The following COPS2 variants were observed in gnomAD, a reference collection of about 807,000 sequenced individuals.
COPS2 encodes COP9 signalosome complex subunit 2.
In COPS2, 10 loss-of-function variants were observed where a neutral mutation model predicts 66.1. The observed-to-expected ratio is 0.15, with a 90% confidence interval of 0.09 to 0.26. The LOEUF (loss-of-function observed/expected upper bound fraction) is 0.26. Among genes scored for constraint, COPS2 ranks in the 10% least tolerant of loss-of-function variants. COPS2 has a pLI of 1.00. For missense variants in COPS2, 215 were observed against 513.3 expected (o/e 0.42, Z 5.62); for synonymous variants, 179 against 171.3 (o/e 1.04, Z -0.35).
chr15:49,153,940 T>TA (rs1203584469), intron 1 of COPS2, among the ~76,000 whole-genome samples: 7 of 152,232 alleles, frequency 4.6e-5, no homozygotes, highest in Admixed American at 2.6e-4. Flanking sequence ...AACCAACAGT[T>TA]AGATAGAAGG....
chr15:49,130,643 A>G (rs1422744143), intron 10 of COPS2, 76 bp downstream of exon 10: 1 of 815,564 alleles, frequency 1.2e-6, no homozygotes, highest in Non-Finnish European at 2.1e-6. Flanking sequence ...GCTTAATGCC[A>G]TGCAGCTTCA....
intron 3 of COPS2, among the ~76,000 whole-genome samples, chr15:49,143,378 T>C (rs1039209501): frequency 1.3e-5 from 2 of 152,204 alleles, no homozygotes; most frequent in African/African-American, 4.8e-5. Flanking sequence ...ACTCTGCTAC[T>C]TGTGGAAAAC....
intron 3 of COPS2, among the ~76,000 whole-genome samples, chr15:49,140,940 C>A (rs2084285986): frequency 6.6e-6 from 1 of 151,186 alleles, no homozygotes; most frequent in Non-Finnish European, 1.5e-5. Context: ...TCCCTGAAAC[C>A]TAACCAAGAA....
At chr15:49,150,410 T>A (rs1012051832) in intron 1 of COPS2, among the ~76,000 whole-genome samples, 1 of 152,170 alleles carries the variant, frequency 6.6e-6, no homozygotes, top group Non-Finnish European at 1.5e-5. Context: ...TTATATTGAA[T>A]ACATGTTCGC....
At chr15:49,146,711 CA>C in intron 1 of COPS2, among the ~76,000 whole-genome samples, 1 of 152,274 alleles carries the variant, frequency 6.6e-6, no homozygotes, top group Middle Eastern at 3.4e-3. Context: ...CATCTCTCCA[CA>C]AACTTTAGCA....
intron 1 of COPS2, among the ~76,000 whole-genome samples, chr15:49,149,540 T>C (rs1177517202): frequency 1.3e-5 from 2 of 152,198 alleles, no homozygotes; most frequent in African/African-American, 4.8e-5. Context: ...CATCTGTGTA[T>C]TCTGAGAGCC....
At chr15:49,149,177 T>C (rs746951030) in intron 1 of COPS2, among the ~76,000 whole-genome samples, 36 of 152,196 alleles carry the variant, frequency 2.4e-4, no homozygotes, top group Admixed American at 5.2e-4. Flanking sequence ...AACCTACTCA[T>C]GTCCTGTTAT....
At chr15:49,142,777 A>C (rs1227040015) in intron 3 of COPS2, among the ~76,000 whole-genome samples, 1 of 152,156 alleles carries the variant, frequency 6.6e-6, no homozygotes, top group Admixed American at 6.5e-5. Context: ...GTATAATGTC[A>C]TAATTCCAGT....
At chr15:49,135,810 T>A (rs2084246392) in intron 6 of COPS2, among the ~76,000 whole-genome samples, 1 of 152,232 alleles carries the variant, frequency 6.6e-6, no homozygotes. Context: ...CATCTTTCCC[T>A]GAACATACTT....
intron 4 of COPS2, 69 bp downstream of exon 4, chr15:49,139,459 A>G: frequency 2.4e-6 from 3 of 1,275,642 alleles, no homozygotes; most frequent in Non-Finnish European, 3.3e-6. Flanking sequence ...TTCCATCTAT[A>G]AAGAACAAAG....
chr15:49,149,510 G>A (rs1456608505), intron 1 of COPS2, among the ~76,000 whole-genome samples: 1 of 152,166 alleles, frequency 6.6e-6, no homozygotes, highest in African/African-American at 2.4e-5. Context: ...GAACTTCTCA[G>A]AAGCAGGAAC....
chr15:49,128,749 T>A lies in COPS2; in HGVS notation c.1140A>T (p.Ile380=), dbSNP rs1388940751. Residue 380 remains isoleucine (I), a synonymous_variant, in exon 12 of 13, where the codon ATA becomes ATT. Coordinates refer to ENST00000388901, the MANE Select transcript of COPS2 (RefSeq NM_004236.4). ...GCAAGCTCTCCACATCAGCTACATC[T>A]ATGTTTAACTCCTAAGACAAAAGAC... ...HIPFISKELN[I]DVADVESLLV... 6.2e-7 allele frequency: 1 copy of A among 1,605,858 alleles called. No homozygotes were observed. Among genetic ancestry groups the A allele is most frequent in the Admixed American group, 1.7e-5 (1 of 59,492 alleles).
At chr15:49,135,198 G>A (rs1346388862) in intron 6 of COPS2, among the ~76,000 whole-genome samples, 1 of 152,170 alleles carries the variant, frequency 6.6e-6, no homozygotes, top group Non-Finnish European at 1.5e-5. Context: ...ATTGAAGAAA[G>A]CAATCTGTGG....
intron 1 of COPS2, among the ~76,000 whole-genome samples, chr15:49,154,415 C>CT (rs1257349452): frequency 6.6e-6 from 1 of 152,090 alleles, no homozygotes; most frequent in Non-Finnish European, 1.5e-5. Context: ...TCCTTTCTCC[C>CT]TTTTGCAAAG....
At chr15:49,151,340 C>A (rs2084359655) in intron 1 of COPS2, among the ~76,000 whole-genome samples, 1 of 149,290 alleles carries the variant, frequency 6.7e-6, no homozygotes, top group South Asian at 2.1e-4. Context: ...GTGGAGGTTG[C>A]AGTGAGCCGA....
intron 1 of COPS2, among the ~76,000 whole-genome samples, chr15:49,146,261 C>T (rs527502567): frequency 1.2e-4 from 19 of 152,156 alleles, no homozygotes; most frequent in African/African-American, 4.3e-4. Context: ...AGATTTAAGA[C>T]CTGGAATTCC....
intron 6 of COPS2, 103 bp downstream of exon 6, chr15:49,137,047 T>C: frequency 2.8e-6 from 2 of 709,182 alleles, no homozygotes; most frequent in Non-Finnish European, 4.6e-6. Flanking sequence ...TTTCAGATAA[T>C]GCTTAAACTA....
At chr15:49,133,896 T>C in intron 8 of COPS2, 34 bp downstream of exon 8, 1 of 1,565,338 alleles carries the variant, frequency 6.4e-7, no homozygotes, top group Non-Finnish European at 8.7e-7. Context: ...TCCAGATAGC[T>C]GATAAGAGAA....
intron 1 of COPS2, among the ~76,000 whole-genome samples, chr15:49,147,690 A>G (rs1161720857): frequency 6.7e-6 from 1 of 148,764 alleles, no homozygotes; most frequent in Non-Finnish European, 1.5e-5. Context: ...GATAGATTTC[A>G]GATAGAGATT....
Sources: allele counts gnomAD v4.1 joint callset (sites outside exome capture counted in the v4.1 genomes callset), GRCh38; gene constraint gnomAD v4.1.1; transcripts MANE v1.5; gene names NCBI Gene and HGNC (gene_info 2026-07-23, HGNC 2026-07-21).